The following ADAM12 variants were observed in gnomAD, a reference collection of about 807,000 sequenced individuals.
The protein encoded by ADAM12 is ADAM metallopeptidase domain 12.
A neutral mutation model predicts 106.4 loss-of-function variants in ADAM12; 70 were observed. That is an observed-to-expected ratio of 0.66 (90% CI 0.54 to 0.80). The LOEUF is 0.80. Among genes scored for constraint, ADAM12 ranks in the 30% least tolerant of loss-of-function variants. The pLI, the probability that ADAM12 is intolerant of heterozygous loss-of-function variation, is 0.00. For missense variants in ADAM12, 1,010 were observed against 1,171.9 expected, an observed-to-expected ratio of 0.86 and a Z score of 2.02; for synonymous variants, 420 against 433.5, an observed-to-expected ratio of 0.97 and a Z score of 0.39.
At chr10:126,054,092 A>G (rs563437320) in intron 14 of ADAM12, among the ~76,000 whole-genome samples, 1 of 152,192 alleles carries the variant, frequency 6.6e-6, no homozygotes, top group East Asian at 1.9e-4. Context: ...CTGTTATGTT[A>G]TCACTGGAAA....
At chr10:126,379,561 G>A (rs987160363) in intron 1 of ADAM12, among the ~76,000 whole-genome samples, 3 of 152,084 alleles carry the variant, frequency 2.0e-5, no homozygotes, top group Non-Finnish European at 2.9e-5. Flanking sequence ...GGGAGCTAGG[G>A]GAGGGATAAC....
At chr10:126,185,828 G>A (rs779061276) in intron 3 of ADAM12, among the ~76,000 whole-genome samples, 8 of 152,126 alleles carry the variant, frequency 5.3e-5, no homozygotes, top group African/African-American at 9.7e-5. Context: ...CATCTCAAAC[G>A]AGAGCACATT....
At chr10:126,218,134 AATCATT>A (rs566580619) in intron 3 of ADAM12, among the ~76,000 whole-genome samples, 43 of 152,038 alleles carry the variant, frequency 2.8e-4, no homozygotes, top group African/African-American at 9.4e-4. Context: ...TATAATCATT[AATCATT>A]ATCAGCAACA....
chr10:126,155,529 C>A (rs549207252), intron 3 of ADAM12, among the ~76,000 whole-genome samples: 1 of 152,108 alleles, frequency 6.6e-6, no homozygotes, highest in African/African-American at 2.4e-5. Flanking sequence ...GGAACAATAG[C>A]CCACACACTC....
At chr10:126,323,291 C>T (rs1315435310) in intron 2 of ADAM12, among the ~76,000 whole-genome samples, 1 of 152,106 alleles carries the variant, frequency 6.6e-6, no homozygotes, top group Non-Finnish European at 1.5e-5. Flanking sequence ...TCGAATAATC[C>T]CTTAGATAAA....
chr10:126,077,890 C>G (rs1157211284), intron 11 of ADAM12, among the ~76,000 whole-genome samples: 1 of 152,124 alleles, frequency 6.6e-6, no homozygotes, highest in African/African-American at 2.4e-5. Context: ...CTAAGATAGT[C>G]TCATTTGATC....
intron 11 of ADAM12, among the ~76,000 whole-genome samples, chr10:126,079,425 C>T (rs1565039721): frequency 6.6e-6 from 1 of 152,178 alleles, no homozygotes; most frequent in South Asian, 2.1e-4. Flanking sequence ...GAATCCTACA[C>T]CATGTGGCCT....
chr10:126,283,755 T>C (rs1959705456), intron 2 of ADAM12, among the ~76,000 whole-genome samples: 1 of 152,188 alleles, frequency 6.6e-6, no homozygotes, highest in Non-Finnish European at 1.5e-5. Context: ...TTCTCCCAGT[T>C]TGGGCTTTGG....
chr10:126,101,707 T>G (rs1432573654), intron 8 of ADAM12, among the ~76,000 whole-genome samples: 1 of 152,248 alleles, frequency 6.6e-6, no homozygotes, highest in Non-Finnish European at 1.5e-5. Flanking sequence ...GAATCTGTAT[T>G]AATTTTTCAG....
chr10:126,059,909 T>C (rs1335128824), intron 14 of ADAM12, among the ~76,000 whole-genome samples: 1 of 152,218 alleles, frequency 6.6e-6, no homozygotes, highest in Non-Finnish European at 1.5e-5. Flanking sequence ...GGAGTAAAGG[T>C]CATGTCATAT....
intron 2 of ADAM12, among the ~76,000 whole-genome samples, chr10:126,296,191 G>C (rs1414545709): frequency 6.6e-6 from 1 of 152,140 alleles, no homozygotes; most frequent in African/African-American, 2.4e-5. Context: ...CCCAGGCCTG[G>C]AGTATAGTGG....
intron 2 of ADAM12, among the ~76,000 whole-genome samples, chr10:126,323,809 T>C (rs964815130): frequency 6.6e-6 from 1 of 152,208 alleles, no homozygotes; most frequent in South Asian, 2.1e-4. Flanking sequence ...TCCAAATTAA[T>C]CTTTGAAAGC....
chr10:126,282,494 T>C (rs1959631401), intron 2 of ADAM12, among the ~76,000 whole-genome samples: 1 of 152,236 alleles, frequency 6.6e-6, no homozygotes, highest in Non-Finnish European at 1.5e-5. Context: ...GTTTTGTTTC[T>C]AGTGTACATA....
intron 8 of ADAM12, among the ~76,000 whole-genome samples, chr10:126,105,589 C>T (rs1426254678): frequency 2.0e-5 from 3 of 152,162 alleles, no homozygotes; most frequent in East Asian, 1.9e-4. Context: ...GTGCCTAGGC[C>T]CTGTGCCAGG....
chr10:126,222,747 G>A (rs1958118477), intron 3 of ADAM12, among the ~76,000 whole-genome samples: 1 of 152,132 alleles, frequency 6.6e-6, no homozygotes, highest in Non-Finnish European at 1.5e-5. Flanking sequence ...GTTGGTGATA[G>A]CAGAGGCTGC....
intron 3 of ADAM12, among the ~76,000 whole-genome samples, chr10:126,232,678 T>C (rs1958335271): frequency 6.6e-6 from 1 of 152,154 alleles, no homozygotes; most frequent in Admixed American, 6.5e-5. Context: ...CATCAGTCTT[T>C]TTCTCTTAGA....
At chr10:126,271,932 A>T (rs1293489691) in intron 3 of ADAM12, among the ~76,000 whole-genome samples, 2 of 152,198 alleles carry the variant, frequency 1.3e-5, no homozygotes, top group African/African-American at 4.8e-5. Context: ...ATCAGTACAA[A>T]GACCTTCTAG....
chr10:126,146,574 T>C (rs1956632298), intron 4 of ADAM12, among the ~76,000 whole-genome samples: 1 of 152,066 alleles, frequency 6.6e-6, no homozygotes, highest in Admixed American at 6.6e-5. Flanking sequence ...TGACAGAAAA[T>C]TGCAATTTAG....
chr10:126,317,499 C>T (rs1853922997), intron 2 of ADAM12, among the ~76,000 whole-genome samples: 1 of 152,092 alleles, frequency 6.6e-6, no homozygotes, highest in South Asian at 2.1e-4. Flanking sequence ...AGAAAAGGGT[C>T]AATTTAATTT....
Sources: gnomAD v4.1 joint callset for allele counts (sites outside exome capture counted in the v4.1 genomes callset) on GRCh38, gnomAD v4.1.1 for gene constraint, MANE v1.5 for transcripts, NCBI Gene and HGNC (gene_info 2026-07-23, HGNC 2026-07-21) for gene names.